TBC1D19: variants seen among roughly 807,000 people sequenced by gnomAD.
TBC1D19 encodes the protein TBC1 domain family, member 19.
TBC1D19 carries 60 observed loss-of-function variants against 89.0 expected under a neutral mutation model. That is an observed-to-expected ratio of 0.67 (90% CI 0.55 to 0.84). The LOEUF (loss-of-function observed/expected upper bound fraction) is 0.84. Ranked by LOEUF, TBC1D19 falls within the 40% of genes least tolerant of loss-of-function variation. The probability of loss-of-function intolerance (pLI) is 0.00; values close to 1 mark genes in which losing one functional copy is unlikely to be tolerated. For synonymous variants in TBC1D19, 189 were observed against 199.7 expected (o/e 0.95, Z 0.45); for missense variants, 500 against 610.8 (o/e 0.82, Z 1.91).
At chr4:26,580,393 C>A (rs1041081805), upstream of TBC1D19, among the ~76,000 whole-genome samples, 1 of 152,104 alleles carries the variant, frequency 6.6e-6, no homozygotes, top group Admixed American at 6.5e-5. Context: ...CCGAGGCAGG[C>A]AGAGTAGAAG....
At chr4:26,688,834 C>T (rs1714038022) in intron 13 of TBC1D19, among the ~76,000 whole-genome samples, 1 of 151,984 alleles carries the variant, frequency 6.6e-6, no homozygotes, top group Non-Finnish European at 1.5e-5. Context: ...ATTTCATTTG[C>T]AGATATTGTG....
chr4:26,654,231 G>A (rs543857058), intron 7 of TBC1D19, among the ~76,000 whole-genome samples: 2 of 152,300 alleles, frequency 1.3e-5, no homozygotes, highest in Admixed American at 1.3e-4. Flanking sequence ...TAGAGTTGCT[G>A]CTGAGAGATC....
chr4:26,730,846 C>G (rs1398839543), intron 15 of TBC1D19, among the ~76,000 whole-genome samples: 2 of 152,220 alleles, frequency 1.3e-5, no homozygotes, highest in African/African-American at 4.8e-5. Context: ...TGTATACCTT[C>G]TCTTCTCTTC....
At chr4:26,735,542 T>A in intron 16 of TBC1D19, 55 bp downstream of exon 16, 1 of 1,413,932 alleles carries the variant, frequency 7.1e-7, no homozygotes, top group Non-Finnish European at 9.5e-7. Context: ...ATGTTATCTG[T>A]CAATTTAAAA....
At chr4:26,744,458 A>G (rs1007724469) in intron 18 of TBC1D19, among the ~76,000 whole-genome samples, 1 of 151,430 alleles carries the variant, frequency 6.6e-6, no homozygotes, top group Non-Finnish European at 1.5e-5. Context: ...TGCTTGTTTA[A>G]GGTAGAAGTT....
the TBC1D19 span, among the ~76,000 whole-genome samples, chr4:26,798,397 G>A: frequency 6.6e-6 from 1 of 151,980 alleles, no homozygotes; most frequent in Non-Finnish European, 1.5e-5. Flanking sequence ...AAAGTCAAAA[G>A]CAACAGATGT....
chr4:26,728,752 G>T (rs996591902), intron 15 of TBC1D19, among the ~76,000 whole-genome samples: 2 of 152,176 alleles, frequency 1.3e-5, no homozygotes, highest in African/African-American at 4.8e-5. Flanking sequence ...GGTGGCTCAC[G>T]CCTGTAATCC....
the TBC1D19 span, among the ~76,000 whole-genome samples, chr4:26,830,318 T>A: frequency 6.6e-6 from 1 of 152,188 alleles, no homozygotes; most frequent in Non-Finnish European, 1.5e-5. Context: ...CTCCCATCTT[T>A]AACTTAGCTG....
chr4:26,579,523 G>A (rs1041166712), upstream of TBC1D19, among the ~76,000 whole-genome samples: 5 of 151,088 alleles, frequency 3.3e-5, no homozygotes, highest in Non-Finnish European at 7.4e-5. Flanking sequence ...TTTAAGTTCC[G>A]GGATACCTGT....
intron 7 of TBC1D19, among the ~76,000 whole-genome samples, chr4:26,648,360 T>C (rs1253200759): frequency 6.6e-6 from 1 of 152,236 alleles, no homozygotes; most frequent in Non-Finnish European, 1.5e-5. Context: ...AGTTGTGGAA[T>C]GCCTCCAGGT....
chr4:26,613,128 C>G, intron 1 of TBC1D19, 41 bp from the exon 2 acceptor site: 1 of 1,334,530 alleles, frequency 7.5e-7, no homozygotes, highest in Non-Finnish European at 1.0e-6. Flanking sequence ...GATATCTTTT[C>G]CTTCCTTATC....
At chr4:26,753,264 T>G (rs6827599) in intron 19 of TBC1D19, among the ~76,000 whole-genome samples, 2 of 152,212 alleles carry the variant, frequency 1.3e-5, no homozygotes, top group Non-Finnish European at 2.9e-5. Flanking sequence ...ATTCAGCCTC[T>G]GTATAACGTT....
chr4:26,778,181 C>T, the TBC1D19 span, among the ~76,000 whole-genome samples: 3 of 151,620 alleles, frequency 2.0e-5, no homozygotes, highest in East Asian at 3.9e-4. Context: ...TTTGGGAGGC[C>T]GAGGTGGATG....
At chr4:26,615,358 G>A (rs979587391) in intron 3 of TBC1D19, among the ~76,000 whole-genome samples, 2 of 151,866 alleles carry the variant, frequency 1.3e-5, no homozygotes, top group Admixed American at 1.3e-4. Context: ...TGGCAGCACC[G>A]TACTAAGCAC....
chr4:26,826,816 C>G, the TBC1D19 span, among the ~76,000 whole-genome samples: 1 of 151,944 alleles, frequency 6.6e-6, no homozygotes, highest in Non-Finnish European at 1.5e-5. Context: ...TGGGTGGTGA[C>G]GTAGATTCAG....
intron 1 of TBC1D19, among the ~76,000 whole-genome samples, chr4:26,585,726 G>A (rs1271412563): frequency 6.6e-6 from 1 of 151,992 alleles, no homozygotes; most frequent in East Asian, 1.9e-4. Flanking sequence ...TGGGATTACA[G>A]GCATCCACCA....
At chr4:26,609,146 C>T (rs1741202702) in intron 1 of TBC1D19, among the ~76,000 whole-genome samples, 2 of 150,616 alleles carry the variant, frequency 1.3e-5, no homozygotes, top group South Asian at 2.1e-4. Context: ...CAACATGGCA[C>T]ATGTATACAT....
At chr4:26,645,474 C>G (rs1743852099) in intron 7 of TBC1D19, among the ~76,000 whole-genome samples, 1 of 152,188 alleles carries the variant, frequency 6.6e-6, no homozygotes, top group African/African-American at 2.4e-5. Context: ...GAAACTGGAT[C>G]CCTTCCTTAC....
the TBC1D19 span, among the ~76,000 whole-genome samples, chr4:26,813,769 A>T: frequency 6.6e-6 from 1 of 152,020 alleles, no homozygotes; most frequent in African/African-American, 2.4e-5. Context: ...CCTCTCCTGG[A>T]TTCTACTCCA....
Sources: gnomAD v4.1 joint callset for allele counts (sites outside exome capture counted in the v4.1 genomes callset) on GRCh38, gnomAD v4.1.1 for gene constraint, MANE v1.5 for transcripts, NCBI Gene and HGNC (gene_info 2026-07-23, HGNC 2026-07-21) for gene names.